Variants in TC2N observed in about 807,000 individuals in gnomAD.
The protein encoded by TC2N is tandem C2 domains, nuclear, also known as tandem C2 domains nuclear protein.
A neutral mutation model predicts 61.9 loss-of-function variants in TC2N; 51 were observed. The ratio of observed to expected loss-of-function variants is 0.82; its 90% CI spans 0.66 to 1.04. TC2N has a LOEUF of 1.04. Ranked by LOEUF, TC2N falls within the 50% of genes least tolerant of loss-of-function variation. The pLI, the probability that TC2N is intolerant of heterozygous loss-of-function variation, is 0.00. For synonymous variants in TC2N, 204 were observed against 192.6 expected, an observed-to-expected ratio of 1.06 and a Z score of -0.49; for missense variants, 556 against 566.7, an observed-to-expected ratio of 0.98 and a Z score of 0.19.
chr14:91,854,602 TA>T (rs1888446900), intron 1 of TC2N, among the ~76,000 whole-genome samples: 1 of 152,144 alleles, frequency 6.6e-6, no homozygotes. Flanking sequence ...CAAAGCTTTT[TA>T]AAGAAGAAAG....
Position 91,792,389 on chromosome 14 carries a change from A to G in TC2N, c.1025T>C (p.Ile342Thr). Residue 342 changes from isoleucine to threonine, a missense_variant, in exon 9 of 12, where the codon ATA becomes ACA. Coordinates refer to ENST00000435962, the MANE Select transcript of TC2N (RefSeq NM_001128596.3). ...TACAGAAATTTTTGAAGGTGGTGTT[A>G]TATCCAAAGAGTAATCCATTTCCTG... ...STQEMDYSLDITPPSKISVCH... is the reference protein window; with the variant it reads ...STQEMDYSLDTTPPSKISVCH... 6.3e-7 allele frequency: 1 copy of G among 1,598,288 alleles called. No individual in the cohort carries two copies. Among genetic ancestry groups the G allele is most frequent in the South Asian group, 1.1e-5 (1 of 87,810 alleles).
intron 1 of TC2N, among the ~76,000 whole-genome samples, chr14:91,831,530 C>G (rs1370389572): frequency 1.3e-5 from 2 of 152,248 alleles, no homozygotes; most frequent in East Asian, 3.9e-4. Flanking sequence ...GATACATAAA[C>G]AGATCTGTTT....
intron 1 of TC2N, among the ~76,000 whole-genome samples, chr14:91,832,678 A>C (rs1887834335): frequency 6.6e-6 from 1 of 152,196 alleles, no homozygotes. Context: ...CACTTTATAA[A>C]ACAATCCGGT....
At chr14:91,784,119 A>G (rs920244373) in intron 11 of TC2N, among the ~76,000 whole-genome samples, 10 of 152,126 alleles carry the variant, frequency 6.6e-5, no homozygotes, top group African/African-American at 2.4e-4. Context: ...GACCAGCAAG[A>G]ACCTTTCCAG....
Position 91,781,433 on chromosome 14 carries a change from C to A in TC2N, c.*1667G>T, listed in dbSNP as rs967800469. 6.6e-6 allele frequency: 1 copy of A among 151,962 alleles called. No individual in the cohort carries two copies. Among genetic ancestry groups the A allele is most frequent in the Non-Finnish European group, 1.5e-5 (1 of 67,976 alleles). The allele number at this position is 151,962 out of a possible 1,614,324, so 9.4% of individuals were successfully genotyped here. A position where few individuals can be genotyped will look rare whatever the true frequency, so the allele number is the denominator to read the frequency against. On this transcript the variant is annotated 3_prime_UTR_variant, in exon 12 of 12. Transcript: ENST00000435962. The stretch of plus-strand genomic sequence containing the variant: ...TTCAGAGTAGGTTCATTGATTGTAA[C>A]AAATGTACCATTGTGGTGCAGGATA...
rs147513984 is a variant in TC2N, at chr14:91,790,572, T to C, written c.1047+1795A>G. ...TATAAAATCTCTGATACATGAAATA[T>C]GATTTAGTAGAAATTTAGCCATAAT... On this transcript the variant is annotated intron_variant, in intron 9 of 11. Coordinates refer to ENST00000435962, the MANE Select transcript of TC2N (RefSeq NM_001128596.3). Among the ~76,000 whole-genome samples the C allele has an allele frequency of 8.2e-3, 1,244 of 152,328 alleles. 13 individuals carry two copies. Among genetic ancestry groups the C allele is most frequent in the African/African-American group, 0.028 (1,150 of 41,562 alleles).
At chr14:91,811,602 G>T (rs769883220) in intron 3 of TC2N, among the ~76,000 whole-genome samples, 17 of 152,082 alleles carry the variant, frequency 1.1e-4, no homozygotes, top group Non-Finnish European at 2.2e-4. Context: ...CCTGGTAGAA[G>T]AAAGAAGAGA....
chr14:91,841,896 C>A (rs1034651891), intron 1 of TC2N, among the ~76,000 whole-genome samples: 2 of 152,242 alleles, frequency 1.3e-5, no homozygotes. Context: ...CCTGATTAAA[C>A]CCCTCCAATA....
At chr14:91,808,214 AC>A (rs1886604713) in intron 3 of TC2N, among the ~76,000 whole-genome samples, 1 of 152,154 alleles carries the variant, frequency 6.6e-6, no homozygotes, top group African/African-American at 2.4e-5. Flanking sequence ...TAACTTTTAT[AC>A]CATATTTTTA....
At chr14:91,833,863 T>C (rs1887893012) in intron 1 of TC2N, among the ~76,000 whole-genome samples, 1 of 152,232 alleles carries the variant, frequency 6.6e-6, no homozygotes, top group African/African-American at 2.4e-5. Context: ...CCATTTTAAC[T>C]ATTCTTTTCA....
chr14:91,805,641 G>C (rs899897268), intron 3 of TC2N, among the ~76,000 whole-genome samples: 1 of 151,972 alleles, frequency 6.6e-6, no homozygotes, highest in African/African-American at 2.4e-5. Flanking sequence ...CTCCAGCTTG[G>C]TGACAGACTG....
chr14:91,821,071 C>G (rs924860319), intron 1 of TC2N, among the ~76,000 whole-genome samples: 5 of 151,838 alleles, frequency 3.3e-5, no homozygotes, highest in African/African-American at 7.3e-5. Flanking sequence ...TCTACAGATT[C>G]AACACAATCT....
At chr14:91,824,345 A>G (rs1346006604) in intron 1 of TC2N, among the ~76,000 whole-genome samples, 3 of 152,202 alleles carry the variant, frequency 2.0e-5, no homozygotes, top group African/African-American at 7.2e-5. Context: ...AGATTCCCAA[A>G]GGGCTTATTT....
Position 91,784,634 on chromosome 14 carries a change from A to G in TC2N, c.1362+528T>C, listed in dbSNP as rs186511805. ...GTTCCTAGAGGACTGGCAAGTTAAC[A>G]AGTGTTATGTTGTTTTATACAAATT... On this transcript the variant is annotated intron_variant, in intron 11 of 11. Transcript: ENST00000435962. Among the ~76,000 whole-genome samples, 507 of 152,286 alleles carry G rather than the reference A, an allele frequency of 3.3e-3. 5 individuals are homozygous for G. Among genetic ancestry groups the G allele is most frequent in the Non-Finnish European group, 4.8e-3 (329 of 68,002 alleles).
chr14:91,793,913 C>T (rs1224752964), intron 8 of TC2N, among the ~76,000 whole-genome samples: 1 of 152,128 alleles, frequency 6.6e-6, no homozygotes, highest in African/African-American at 2.4e-5. Context: ...AAAGCCGAGA[C>T]AGACCAAAAG....
chr14:91,838,910 C>G (rs971406223), intron 1 of TC2N, among the ~76,000 whole-genome samples: 1 of 152,178 alleles, frequency 6.6e-6, no homozygotes, highest in East Asian at 1.9e-4. Context: ...TCTTTGTGCT[C>G]TTATTTCTAA....
At position 91,808,995 on chromosome 14, in the gene TC2N, G is replaced by A. The variant is rs544311579; in HGVS notation, c.301+3317C>T. Among the ~76,000 whole-genome samples the A allele has an allele frequency of 3.3e-5, 5 of 152,204 alleles. No homozygotes were observed. The East Asian group carries it at 9.6e-4, about 29-fold the overall frequency. On this transcript the variant is annotated intron_variant, in intron 3 of 11. Transcript: ENST00000435962. ...AATAAGTATGAAAAAAAAAGAGAAA[G>A]ATCAATTGATTGGGTATTCTGTAAG... is the stretch of plus-strand genomic sequence containing the variant.
rs780058675 is a variant in TC2N, at chr14:91,802,284, G to A, written c.439C>T (p.Arg147Cys). The change falls in exon 4 of 12, where the codon CGT becomes TGT. Residue 147 changes from arginine (R) to cysteine (C), a missense_variant. Arg to Cys is a radical substitution (Grantham distance 180). Transcript: ENST00000435962. Reference protein sequence around the residue: ...SPDLSRRFPPRSEVKRLYGSV... With the variant: ...SPDLSRRFPPCSEVKRLYGSV... ...CCATACAGTCTCTTCACTTCTGAAC[G>A]GGGAGGAAAGCGTCGACTCAAATCA... 1.6e-5 allele frequency: 25 copies of A among 1,598,738 alleles called. No individual in the cohort carries two copies. The highest frequency in any genetic ancestry group is 2.0e-5 in the Non-Finnish European group (23 of 1,174,504).
intron 1 of TC2N, among the ~76,000 whole-genome samples, chr14:91,860,676 T>C (rs563422569): frequency 5.3e-5 from 8 of 152,334 alleles, no homozygotes; most frequent in African/African-American, 1.9e-4. Flanking sequence ...ACTGGTCTTC[T>C]TACTGCCCTT....
Sources: allele counts gnomAD v4.1 joint callset (sites outside exome capture counted in the v4.1 genomes callset), GRCh38; gene constraint gnomAD v4.1.1; transcripts MANE v1.5; gene names NCBI Gene and HGNC (gene_info 2026-07-23, HGNC 2026-07-21).